LYPLA1: variants seen among roughly 807,000 people sequenced by gnomAD.
The protein encoded by LYPLA1 is acyl-protein thioesterase 1.
A neutral mutation model predicts 34.0 loss-of-function variants in LYPLA1; 17 were observed. That is an observed-to-expected ratio of 0.50 (90% CI 0.34 to 0.75). The LOEUF is 0.75. LYPLA1 is among the 30% of genes least tolerant of loss of function. LYPLA1 has a pLI of 0.01. For missense variants in LYPLA1, 203 were observed against 288.8 expected, an observed-to-expected ratio of 0.70 and a Z score of 2.15; for synonymous variants, 98 against 100.8, an observed-to-expected ratio of 0.97 and a Z score of 0.17.
chr8:54,068,676 A>T (rs1310027619), intron 2 of LYPLA1, among the ~76,000 whole-genome samples: 1 of 152,248 alleles, frequency 6.6e-6, no homozygotes, highest in Non-Finnish European at 1.5e-5. Flanking sequence ...ACCTCATACC[A>T]TATGTAAACA....
chr8:54,045,322 C>G (rs555099946), downstream of LYPLA1, among the ~76,000 whole-genome samples: 3 of 152,264 alleles, frequency 2.0e-5, no homozygotes, highest in African/African-American at 4.8e-5. Flanking sequence ...GTGGCTGCAA[C>G]AGTAGGCAAA....
intron 2 of LYPLA1, among the ~76,000 whole-genome samples, chr8:54,067,692 A>AT (rs1807168375): frequency 6.7e-6 from 1 of 149,254 alleles, no homozygotes; most frequent in East Asian, 2.0e-4. Context: ...GATGAATGTT[A>AT]ATTTTTTTTT....
chr8:54,047,328 T>C lies in LYPLA1; in HGVS notation c.*737A>G, dbSNP rs1233335544. The C allele has an allele frequency of 6.6e-6, 1 of 152,104 alleles. No homozygotes were observed. The highest frequency in any genetic ancestry group is 1.5e-5 in the Non-Finnish European group (1 of 67,960). The allele number at this position is 152,104 out of a possible 1,614,324, so 9.4% of individuals were successfully genotyped here. On this transcript the variant is annotated 3_prime_UTR_variant, in exon 9 of 9. Coordinates refer to ENST00000316963, the MANE Select transcript of LYPLA1 (RefSeq NM_006330.4). The stretch of plus-strand genomic sequence containing the variant: ...ACCCAGAATGTCAAATTACAGCATG[T>C]ATTGACAGTAGCTGTCTATTGCAGA...
At chr8:54,043,624 A>G (rs1805422628), downstream of LYPLA1, among the ~76,000 whole-genome samples, 3 of 151,710 alleles carry the variant, frequency 2.0e-5, no homozygotes, top group South Asian at 4.2e-4. Context: ...CTGTAGTGCA[A>G]TGGTGCAAAA....
In LYPLA1 at chr8:54,047,916, A is replaced by T. The variant is rs1805578496; in HGVS notation, c.*149T>A. ...AAAAGATCATAAATTTCTCATGAGGAGATATTATTTGATCTGTGTTATTGG... is the reference window on the plus strand; with the variant it reads ...AAAAGATCATAAATTTCTCATGAGGTGATATTATTTGATCTGTGTTATTGG... On this transcript the variant is annotated 3_prime_UTR_variant, in exon 9 of 9. Coordinates refer to ENST00000316963, the MANE Select transcript of LYPLA1 (RefSeq NM_006330.4). 1.9e-6 allele frequency: 1 copy of T among 519,048 alleles called. No homozygotes were observed. The highest frequency in any genetic ancestry group is 3.6e-5 in the Admixed American group (1 of 28,126). 32.2% of individuals were successfully genotyped at this position (519,048 alleles called of 1,614,324 possible).
intron 2 of LYPLA1, among the ~76,000 whole-genome samples, chr8:54,075,336 GC>G (rs1807808573): frequency 6.6e-6 from 1 of 152,122 alleles, no homozygotes; most frequent in Non-Finnish European, 1.5e-5. Context: ...GTTTCTCCAG[GC>G]AAAAATCAAC....
Position 54,060,470 on chromosome 8 carries a change from T to A in LYPLA1, c.286+1784A>T, listed in dbSNP as rs539760494. 2.2e-4 allele frequency among the ~76,000 whole-genome samples: 33 copies of A among 152,044 alleles called. No individual in the cohort carries two copies. In the East Asian group the frequency reaches 5.6e-3, roughly 26 times the overall value. ...TAGACACGTCCCAGTAAGTTAGTATTCTGTTTCTCCCTCCGAACAACTAGA... is the reference window on the plus strand; with the variant it reads ...TAGACACGTCCCAGTAAGTTAGTATACTGTTTCTCCCTCCGAACAACTAGA... On this transcript the variant is annotated intron_variant, in intron 5 of 8. Coordinates refer to ENST00000316963, the MANE Select transcript of LYPLA1 (RefSeq NM_006330.4).
At chr8:54,084,124 G>GGAA (rs1554547911) in intron 2 of LYPLA1, among the ~76,000 whole-genome samples, 8 of 56,362 alleles carry the variant, frequency 1.4e-4, no homozygotes, top group African/African-American at 7.1e-4. Context: ...GGAGACCAAA[G>GGAA]AAAAAAAAAA....
At chr8:54,055,862 C>T (rs529264116) in intron 5 of LYPLA1, among the ~76,000 whole-genome samples, 11 of 152,070 alleles carry the variant, frequency 7.2e-5, no homozygotes, top group African/African-American at 1.9e-4. Flanking sequence ...CCAGGATGGT[C>T]GATCTCCTGA....
chr8:54,048,568 TAGAG>T (rs908625196), intron 8 of LYPLA1, among the ~76,000 whole-genome samples: 99 of 152,346 alleles, frequency 6.5e-4, no homozygotes, highest in African/African-American at 2.2e-3. Flanking sequence ...AACCATTTGA[TAGAG>T]AGCATGTACC....
At chr8:54,088,370 A>T (rs1808959061) in intron 2 of LYPLA1, among the ~76,000 whole-genome samples, 1 of 152,252 alleles carries the variant, frequency 6.6e-6, no homozygotes, top group South Asian at 2.1e-4. Flanking sequence ...GCTCAACATT[A>T]ACCATTAGGA....
intron 2 of LYPLA1, among the ~76,000 whole-genome samples, chr8:54,070,645 C>A (rs2129340137): frequency 6.6e-6 from 1 of 152,264 alleles, no homozygotes; most frequent in South Asian, 2.1e-4. Flanking sequence ...ATCACTCAAA[C>A]CCGGGAGGAG....
intron 2 of LYPLA1, among the ~76,000 whole-genome samples, chr8:54,089,249 C>T (rs1439814966): frequency 6.6e-6 from 1 of 152,158 alleles, no homozygotes; most frequent in Non-Finnish European, 1.5e-5. Flanking sequence ...CCATCAACCA[C>T]AGTTTTGCTT....
intron 2 of LYPLA1, among the ~76,000 whole-genome samples, chr8:54,095,042 T>G (rs1469366627): frequency 6.6e-6 from 1 of 152,144 alleles, no homozygotes; most frequent in Non-Finnish European, 1.5e-5. Context: ...GAATTTTTTT[T>G]TTTTTTGAGA....
At chr8:54,068,453 C>A (rs963428234) in intron 2 of LYPLA1, among the ~76,000 whole-genome samples, 18 of 152,166 alleles carry the variant, frequency 1.2e-4, no homozygotes, top group African/African-American at 3.6e-4. Context: ...ACTCACACTT[C>A]TTAATCTCAA....
chr8:54,099,476 G>A (rs199643929), intron 2 of LYPLA1, among the ~76,000 whole-genome samples: 1 of 152,064 alleles, frequency 6.6e-6, no homozygotes, highest in African/African-American at 2.4e-5. Flanking sequence ...TCAGGAGTTC[G>A]AGACCAGCGT....
chr8:54,097,233 T>C (rs1237644555), intron 2 of LYPLA1, among the ~76,000 whole-genome samples: 5 of 152,202 alleles, frequency 3.3e-5, no homozygotes, highest in South Asian at 2.1e-4. Context: ...ATAAAAGGAC[T>C]CAGCATCATT....
chr8:54,082,981 T>C (rs549768430), intron 2 of LYPLA1, among the ~76,000 whole-genome samples: 24 of 152,150 alleles, frequency 1.6e-4, no homozygotes, highest in Non-Finnish European at 3.2e-4. Context: ...CCGCCTCGGC[T>C]TCCCAAAGTG....
intron 8 of LYPLA1, among the ~76,000 whole-genome samples, chr8:54,049,274 C>G (rs889384069): frequency 6.6e-6 from 1 of 152,256 alleles, no homozygotes; most frequent in Non-Finnish European, 1.5e-5. Flanking sequence ...GCCTCCAGAC[C>G]TATCCAGGCC....
Sources: gnomAD v4.1 joint callset for allele counts (sites outside exome capture counted in the v4.1 genomes callset) on GRCh38, gnomAD v4.1.1 for gene constraint, MANE v1.5 for transcripts, NCBI Gene and HGNC (gene_info 2026-07-23, HGNC 2026-07-21) for gene names.